Variants in PREP observed in about 807,000 individuals in gnomAD.
The protein encoded by PREP is prolyl endopeptidase.
A neutral mutation model predicts 87.6 loss-of-function variants in PREP; 29 were observed. The ratio of observed to expected loss-of-function variants is 0.33; its 90% confidence interval spans 0.25 to 0.45. The LOEUF (loss-of-function observed/expected upper bound fraction) is 0.45, where lower values mean the gene tolerates loss of function less well. Among genes scored for constraint, PREP ranks in the 20% least tolerant of loss-of-function variants. The pLI, the probability that PREP is intolerant of heterozygous loss-of-function variation, is 1.00. For synonymous variants in PREP, 337 were observed against 328.6 expected, an observed-to-expected ratio of 1.03 and a Z score of -0.28; for missense variants, 695 against 886.5, an observed-to-expected ratio of 0.78 and a Z score of 2.74.
intron 10 of PREP, chr6:105,322,316 T>C (rs1771032332): frequency 3.7e-5 from 34 of 917,892 alleles, no homozygotes; most frequent in Non-Finnish European, 4.3e-5. Flanking sequence ...AAATAGATTA[T>C]ATTCTATTGC....
intron 6 of PREP, among the ~76,000 whole-genome samples, chr6:105,361,517 T>C (rs1772245884): frequency 6.6e-6 from 1 of 152,118 alleles, no homozygotes; most frequent in Non-Finnish European, 1.5e-5. Flanking sequence ...ACTTTCAAAC[T>C]GAGGAAGGTA....
At chr6:105,345,181 C>A (rs548843516) in intron 7 of PREP, among the ~76,000 whole-genome samples, 6 of 152,274 alleles carry the variant, frequency 3.9e-5, no homozygotes, top group South Asian at 4.1e-4. Flanking sequence ...TTGCTACTCA[C>A]AAGTTAGAAC....
chr6:105,286,595 C>G (rs2114614229), intron 11 of PREP, among the ~76,000 whole-genome samples: 1 of 152,228 alleles, frequency 6.6e-6, no homozygotes, highest in South Asian at 2.1e-4. Flanking sequence ...TTTCTGAGAA[C>G]TGTGTCACTC....
At chr6:105,363,271 T>C (rs954809725) in intron 6 of PREP, among the ~76,000 whole-genome samples, 5 of 152,194 alleles carry the variant, frequency 3.3e-5, no homozygotes, top group African/African-American at 1.2e-4. Context: ...GGATGATGCA[T>C]TTTCACAATC....
chr6:105,350,509 A>C (rs1268045053), intron 7 of PREP, among the ~76,000 whole-genome samples: 1 of 152,196 alleles, frequency 6.6e-6, no homozygotes, highest in Non-Finnish European at 1.5e-5. Flanking sequence ...AATGATCCCT[A>C]TCTGAATCTG....
chr6:105,326,855 C>T (rs935971532), intron 9 of PREP, among the ~76,000 whole-genome samples: 1 of 152,200 alleles, frequency 6.6e-6, no homozygotes, highest in African/African-American at 2.4e-5. Context: ...AAAATTAAAG[C>T]TTGGTCAGAA....
intron 6 of PREP, among the ~76,000 whole-genome samples, chr6:105,359,427 A>T (rs1475173197): frequency 6.6e-6 from 1 of 152,204 alleles, no homozygotes; most frequent in Non-Finnish European, 1.5e-5. Context: ...AAAGAAGTAG[A>T]ATTCCCCTAG....
intron 7 of PREP, among the ~76,000 whole-genome samples, chr6:105,352,321 A>G (rs1230632866): frequency 6.6e-6 from 1 of 152,186 alleles, no homozygotes; most frequent in East Asian, 1.9e-4. Context: ...ATGGTGGAAG[A>G]GAACAACATT....
At chr6:105,283,243 C>T (rs902908144) in intron 12 of PREP, among the ~76,000 whole-genome samples, 1 of 152,242 alleles carries the variant, frequency 6.6e-6, no homozygotes, top group Admixed American at 6.5e-5. Context: ...AGATCTTCAA[C>T]GTTTCCCCAG....
chr6:105,312,292 T>C (rs1770774385), intron 10 of PREP, among the ~76,000 whole-genome samples: 1 of 152,186 alleles, frequency 6.6e-6, no homozygotes, highest in Non-Finnish European at 1.5e-5. Context: ...TGTACACACA[T>C]AGAGGCTAGG....
At chr6:105,365,993 G>A (rs1341647088) in intron 6 of PREP, among the ~76,000 whole-genome samples, 3 of 151,698 alleles carry the variant, frequency 2.0e-5, no homozygotes, top group Non-Finnish European at 4.4e-5. Flanking sequence ...GGTGGCTCAC[G>A]CCTATAATCC....
rs1210570109 is a variant in PREP at position 105,273,957 on chromosome 6, C to A, written c.*4187G>T. On this transcript the variant is annotated 3_prime_UTR_variant, in exon 15 of 15. Transcript: ENST00000652536. The stretch of plus-strand genomic sequence containing the variant: ...CGAATGTTGCTTCCTGAAAGAGGCA[C>A]CCTGACCTCGACTCAAATAGCATTC... Among the ~76,000 whole-genome samples the A allele has an allele frequency of 6.6e-6, 1 of 152,236 alleles. No homozygotes were observed. The highest frequency in any genetic ancestry group is 1.5e-5 in the Non-Finnish European group (1 of 68,046).
rs1769878474 is a variant in PREP, at chr6:105,273,937, G to A, written c.*4207C>T. Among the ~76,000 whole-genome samples, 1 of 152,218 alleles carries A rather than the reference G, an allele frequency of 6.6e-6. No homozygotes were observed. The highest frequency in any genetic ancestry group is 1.5e-5 in the Non-Finnish European group (1 of 68,046). ...ATTCCGTTCGGGTCTTTGTCCGAAT[G>A]TTGCTTCCTGAAAGAGGCACCCTGA... is the stretch of plus-strand genomic sequence containing the variant. On this transcript the variant is annotated 3_prime_UTR_variant, in exon 15 of 15. Coordinates refer to ENST00000652536, the MANE Select transcript of PREP (RefSeq NM_002726.5).
At chr6:105,323,907 T>C (rs750458122) in intron 9 of PREP, 139 bp from the exon 10 acceptor site, 8 of 725,222 alleles carry the variant, frequency 1.1e-5, no homozygotes, top group Non-Finnish European at 1.9e-5. Context: ...CCCACCACAG[T>C]CGAAGGCTCA....
intron 2 of PREP, among the ~76,000 whole-genome samples, chr6:105,391,207 C>A (rs1055289577): frequency 6.6e-6 from 1 of 151,664 alleles, no homozygotes; most frequent in African/African-American, 2.4e-5. Context: ...ATGGCAAAAC[C>A]CCGTCTCTAC....
At chr6:105,377,594 A>T (rs190116754) in intron 2 of PREP, 75 bp from the exon 3 acceptor site, 7 of 1,500,472 alleles carry the variant, frequency 4.7e-6, no homozygotes, top group Non-Finnish European at 6.4e-6. Context: ...ACTAATATGT[A>T]TCAGAAAAAG....
chr6:105,281,751 A>G lies in PREP; in HGVS notation c.1833T>C (p.Leu611=), dbSNP rs998726793. The G allele has an allele frequency of 4.3e-6, 7 of 1,612,940 alleles. No individual in the cohort carries two copies. The highest frequency in any genetic ancestry group is 4.0e-5 in the African/African-American group (3 of 74,860). The change falls in exon 14 of 15, where the codon CTT becomes CTC. Residue 611 remains leucine, a synonymous_variant. Coordinates refer to ENST00000652536, the MANE Select transcript of PREP (RefSeq NM_002726.5). ...CSDSKQHFEW[L]VKYSPLHNVK... ...ATATGTCAATAAAACCTTACTTGAC[A>G]AGCCATTCAAAGTGTTGTTTGCTGT...
chr6:105,375,117 C>A (rs557788167), intron 4 of PREP, among the ~76,000 whole-genome samples: 3 of 151,906 alleles, frequency 2.0e-5, no homozygotes, highest in Non-Finnish European at 4.4e-5. Flanking sequence ...GATACTGGTT[C>A]GATAAAGGAT....
At chr6:105,331,029 C>T (rs1771315755) in intron 8 of PREP, among the ~76,000 whole-genome samples, 1 of 152,180 alleles carries the variant, frequency 6.6e-6, no homozygotes, top group Non-Finnish European at 1.5e-5. Flanking sequence ...TCTGTATTAA[C>T]TATGAGCACA....
Sources: allele counts gnomAD v4.1 joint callset (sites outside exome capture counted in the v4.1 genomes callset), GRCh38; gene constraint gnomAD v4.1.1; transcripts MANE v1.5; gene names NCBI Gene and HGNC (gene_info 2026-07-23, HGNC 2026-07-21).